ADAM20: variants seen among roughly 807,000 people sequenced by gnomAD.
ADAM20 encodes the protein disintegrin and metalloproteinase domain-containing protein 20.
For synonymous variants in ADAM20, 305 were observed against 310.2 expected, an observed-to-expected ratio of 0.98 and a Z score of 0.18; for missense variants, 871 against 883.2, an observed-to-expected ratio of 0.99 and a Z score of 0.18.
intron 1 of ADAM20, among the ~76,000 whole-genome samples, chr14:70,531,388 G>A (rs1405020656): frequency 6.6e-6 from 1 of 152,086 alleles, no homozygotes; most frequent in African/African-American, 2.4e-5. Context: ...GTATGGAAAA[G>A]TACACAGCTA....
At chr14:70,545,832 A>G in the ADAM20 span, among the ~76,000 whole-genome samples, 3 of 152,194 alleles carry the variant, frequency 2.0e-5, no homozygotes, top group African/African-American at 7.2e-5. Flanking sequence ...AAAAAGAAAT[A>G]TCAGACTTAA....
Position 70,523,276 on chromosome 14 carries a change from CCCGT to C in ADAM20, c.1478_1481del (p.Asp493GlyfsTer6). ...AGAAGGCATTCACATTACAGGAGAT[CCCGT>C]CCTGCACATACACATCATCTGGGCA... is the stretch of plus-strand genomic sequence containing the variant. On this transcript the variant is annotated frameshift_variant, in exon 2 of 2. Coordinates refer to ENST00000256389, the MANE Select transcript of ADAM20 (RefSeq NM_003814.5). LOFTEE classifies it low-confidence loss of function (END_TRUNC). The C allele has an allele frequency of 1.9e-6, 3 of 1,613,982 alleles. No individual in the cohort carries two copies. Among genetic ancestry groups the C allele is most frequent in the Non-Finnish European group, 2.5e-6 (3 of 1,179,932 alleles).
At position 70,523,630 on chromosome 14, in the gene ADAM20, A is replaced by G. The variant is rs1883508896; in HGVS notation, c.1128T>C (p.Phe376=). The G allele has an allele frequency of 3.7e-6, 6 of 1,613,960 alleles. No homozygotes were observed. Among genetic ancestry groups the G allele is most frequent in the Admixed American group, 1.7e-5 (1 of 59,968 alleles). The change falls in exon 2 of 2, where the codon TTT becomes TTC. Residue 376 remains phenylalanine, a synonymous_variant. Coordinates refer to ENST00000256389, the MANE Select transcript of ADAM20 (RefSeq NM_003814.5). ...MHAYRKVTTK[F]SNCSYAQYWD... ...AATATTGGGCATAACTGCAGTTGCT[A>G]AATTTAGTTGTCACCTTTCTATAGG...
upstream of ADAM20, among the ~76,000 whole-genome samples, chr14:70,537,597 A>G (rs1348924082): frequency 2.0e-5 from 3 of 152,144 alleles, no homozygotes; most frequent in East Asian, 5.8e-4. Context: ...TCCTCTTGAG[A>G]AAGAGGATTC....
chr14:70,534,237 A>G (rs527363732), intron 1 of ADAM20, among the ~76,000 whole-genome samples: 2 of 152,264 alleles, frequency 1.3e-5, no homozygotes, highest in African/African-American at 4.8e-5. Flanking sequence ...CTTAAAAAAA[A>G]TGTGACTTCC....
At chr14:70,542,281 A>G in the ADAM20 span, among the ~76,000 whole-genome samples, 2 of 152,234 alleles carry the variant, frequency 1.3e-5, no homozygotes, top group African/African-American at 4.8e-5. Flanking sequence ...TATAAGTTCA[A>G]TACGAATCTG....
the ADAM20 span, among the ~76,000 whole-genome samples, chr14:70,554,342 G>T: frequency 6.6e-6 from 1 of 152,072 alleles, no homozygotes. Flanking sequence ...ATTAAAAATA[G>T]AACTACCTAC....
chr14:70,542,186 C>A, the ADAM20 span, among the ~76,000 whole-genome samples: 4 of 152,148 alleles, frequency 2.6e-5, no homozygotes, highest in Non-Finnish European at 5.9e-5. Context: ...AAATTTGGAG[C>A]ATACTTGTTT....
intron 1 of ADAM20, among the ~76,000 whole-genome samples, chr14:70,534,235 A>G (rs1883782521): frequency 6.6e-6 from 1 of 152,146 alleles, no homozygotes; most frequent in African/African-American, 2.4e-5. Flanking sequence ...TGCTTAAAAA[A>G]AATGTGACTT....
the ADAM20 span, among the ~76,000 whole-genome samples, chr14:70,555,051 G>T: frequency 1.3e-5 from 2 of 152,132 alleles, no homozygotes; most frequent in Admixed American, 6.5e-5. Flanking sequence ...AGTCATTTAC[G>T]GTGTACGCCC....
chr14:70,571,597 C>T, the ADAM20 span, among the ~76,000 whole-genome samples: 1 of 152,108 alleles, frequency 6.6e-6, no homozygotes, highest in Non-Finnish European at 1.5e-5. Context: ...ATCCATTCTC[C>T]CCATGCCTAT....
the ADAM20 span, among the ~76,000 whole-genome samples, chr14:70,540,878 C>T: frequency 2.0e-5 from 3 of 152,168 alleles, no homozygotes; most frequent in Admixed American, 1.3e-4. Flanking sequence ...CTGCAACCTC[C>T]ATCTCCCGGG....
At chr14:70,546,725 C>A in the ADAM20 span, among the ~76,000 whole-genome samples, 1 of 151,950 alleles carries the variant, frequency 6.6e-6, no homozygotes, top group Admixed American at 6.6e-5. Flanking sequence ...TTCAAATAAA[C>A]AACCTAACAA....
the ADAM20 span, among the ~76,000 whole-genome samples, chr14:70,560,982 A>C: frequency 6.6e-6 from 1 of 152,204 alleles, no homozygotes; most frequent in South Asian, 2.1e-4. Context: ...GTGACTTTGG[A>C]ACTAGGTAAC....
the ADAM20 span, among the ~76,000 whole-genome samples, chr14:70,549,034 A>T: frequency 1.9e-4 from 5 of 26,704 alleles, no homozygotes. Flanking sequence ...TCAACCCAGA[A>T]TTTCATATCC....
rs1305131169 is a variant in ADAM20 at position 70,522,429 on chromosome 14, G to C, written c.*148C>G. ...AGTAAGAATAGGCTAGGAATCCTTT[G>C]CTGTGATAGCTAATGCTTGCAATCC... is the stretch of plus-strand genomic sequence containing the variant. On this transcript the variant is annotated 3_prime_UTR_variant, in exon 2 of 2. Transcript: ENST00000256389. 3.8e-6 allele frequency: 3 copies of C among 787,148 alleles called. No homozygotes were observed. The highest frequency in any genetic ancestry group is 3.5e-5 in the African/African-American group (2 of 57,030). 48.8% of individuals were successfully genotyped at this position (787,148 alleles called of 1,614,324 possible).
the ADAM20 span, among the ~76,000 whole-genome samples, chr14:70,555,253 C>T: frequency 6.6e-6 from 1 of 152,096 alleles, no homozygotes; most frequent in Admixed American, 6.6e-5. Context: ...GCAGGTAGAT[C>T]TGATGTGTTC....
chr14:70,566,605 C>T, the ADAM20 span, among the ~76,000 whole-genome samples: 2 of 152,038 alleles, frequency 1.3e-5, no homozygotes, highest in Non-Finnish European at 2.9e-5. Context: ...ATATGTAAAT[C>T]AATTAAATTC....
At chr14:70,566,447 GA>G in the ADAM20 span, among the ~76,000 whole-genome samples, 1 of 150,908 alleles carries the variant, frequency 6.6e-6, no homozygotes, top group Non-Finnish European at 1.5e-5. Flanking sequence ...AAGAGAAAGA[GA>G]AAAAAATCAA....
Sources: gnomAD v4.1 joint callset for allele counts (sites outside exome capture counted in the v4.1 genomes callset) on GRCh38, gnomAD v4.1.1 for gene constraint, MANE v1.5 for transcripts, NCBI Gene and HGNC (gene_info 2026-07-23, HGNC 2026-07-21) for gene names.